SENP5: variants seen among roughly 807,000 people sequenced by gnomAD.
SENP5 encodes the protein SUMO specific peptidase 5, also known as sentrin-specific protease 5.
A neutral mutation model predicts 74.2 loss-of-function variants in SENP5; 21 were observed. The ratio of observed to expected loss-of-function variants is 0.28; its 90% CI spans 0.20 to 0.41. The LOEUF is 0.41. Ranked by LOEUF, SENP5 falls within the 10% of genes least tolerant of loss-of-function variation. SENP5 has a pLI of 1.00. For missense variants in SENP5, 717 were observed against 889.1 expected (o/e 0.81, Z 2.46); for synonymous variants, 311 against 312.7 (o/e 0.99, Z 0.06).
chr3:196,874,734 C>G (rs542849208), intron 1 of SENP5, among the ~76,000 whole-genome samples: 76 of 152,234 alleles, frequency 5.0e-4, no homozygotes, highest in Non-Finnish European at 2.9e-4. Context: ...ACAAAATTGG[C>G]TGGGCGTGGT....
chr3:196,885,104 T>C, intron 1 of SENP5, 47 bp from the exon 2 acceptor site: 4 of 1,163,256 alleles, frequency 3.4e-6, no homozygotes, highest in Non-Finnish European at 4.9e-6. Flanking sequence ...TATGTCTTCA[T>C]GACCTTATTT....
intron 4 of SENP5, 86 bp from the exon 5 acceptor site, chr3:196,900,278 AG>A: frequency 7.7e-7 from 1 of 1,291,788 alleles, no homozygotes; most frequent in Non-Finnish European, 1.1e-6. Context: ...TAGGGTTAGT[AG>A]CCTGGTTTTA....
chr3:196,879,856 C>G (rs563624756), intron 1 of SENP5, among the ~76,000 whole-genome samples: 2 of 152,122 alleles, frequency 1.3e-5, no homozygotes, highest in South Asian at 2.1e-4. Flanking sequence ...CTTTTAACTT[C>G]GAAATAACTT....
chr3:196,874,808 G>C (rs1394584779), intron 1 of SENP5, among the ~76,000 whole-genome samples: 1 of 152,144 alleles, frequency 6.6e-6, no homozygotes, highest in Non-Finnish European at 1.5e-5. Flanking sequence ...GAACCCGGGA[G>C]GCGGAGGTTG....
In SENP5 at chr3:196,931,146, G is replaced by T; in HGVS notation, c.*223G>T. On this transcript the variant is annotated 3_prime_UTR_variant, in exon 10 of 10. Transcript: ENST00000323460. ...CATTTTTAATTTTATGGTTCTGTGC[G>T]TCCCCCATATTTAATATTTATTATT... 2.0e-6 allele frequency: 1 copy of T among 495,402 alleles called. No individual in the cohort carries two copies. Among genetic ancestry groups the T allele is most frequent in the Non-Finnish European group, 3.6e-6 (1 of 276,318 alleles). The allele number at this position is 495,402 out of a possible 1,614,324, so 30.7% of individuals were successfully genotyped here. A position where few individuals can be genotyped will look rare whatever the true frequency, so the allele number is the denominator to read the frequency against.
intron 2 of SENP5, among the ~76,000 whole-genome samples, chr3:196,898,416 C>CTCTTT (rs2108833703): frequency 6.6e-6 from 1 of 151,176 alleles, no homozygotes; most frequent in East Asian, 2.0e-4. Context: ...AGCAACATAG[C>CTCTTT]AAGACCCTCA....
At chr3:196,901,441 C>G (rs1025906467) in intron 5 of SENP5, among the ~76,000 whole-genome samples, 3 of 152,116 alleles carry the variant, frequency 2.0e-5, no homozygotes, top group African/African-American at 7.2e-5. Flanking sequence ...ATACTCAGTT[C>G]AAATACAGAT....
At chr3:196,880,144 C>G (rs1461740653) in intron 1 of SENP5, among the ~76,000 whole-genome samples, 4 of 152,120 alleles carry the variant, frequency 2.6e-5, no homozygotes, top group African/African-American at 9.7e-5. Flanking sequence ...CAGGGTTTCT[C>G]TATGTTGGCC....
intron 2 of SENP5, 32 bp downstream of exon 2, chr3:196,886,726 T>G (rs1713992724): frequency 9.4e-6 from 14 of 1,482,318 alleles, no homozygotes; most frequent in Non-Finnish European, 9.0e-6. Flanking sequence ...TCCCTCAAAC[T>G]CCAAGCTCAC....
intron 6 of SENP5, among the ~76,000 whole-genome samples, chr3:196,914,870 TACACC>T (rs1715308558): frequency 6.6e-6 from 1 of 151,980 alleles, no homozygotes; most frequent in South Asian, 2.1e-4. Context: ...TTGCATTGCC[TACACC>T]ACCCCTTCCC....
At chr3:196,877,212 C>T (rs1418412356) in intron 1 of SENP5, among the ~76,000 whole-genome samples, 1 of 151,982 alleles carries the variant, frequency 6.6e-6, no homozygotes, top group African/African-American at 2.4e-5. Context: ...GAGATGGAGT[C>T]TCACTGTGTC....
chr3:196,928,052 G>A (rs1040387991), intron 8 of SENP5, among the ~76,000 whole-genome samples, 173 bp downstream of exon 8: 3 of 152,182 alleles, frequency 2.0e-5, no homozygotes, highest in Admixed American at 2.0e-4. Flanking sequence ...TCGCTGCTCA[G>A]TTGCCCAGTG....
At chr3:196,928,479 T>C (rs569482208) in intron 8 of SENP5, among the ~76,000 whole-genome samples, 7 of 152,352 alleles carry the variant, frequency 4.6e-5, no homozygotes, top group Non-Finnish European at 1.5e-5. Flanking sequence ...TTGATCCTTA[T>C]AACCTGTGAG....
At chr3:196,904,733 G>A (rs1714832617) in intron 6 of SENP5, among the ~76,000 whole-genome samples, 1 of 152,118 alleles carries the variant, frequency 6.6e-6, no homozygotes, top group Admixed American at 6.5e-5. Context: ...AGGTTGCAGT[G>A]AGCCGAGATT....
chr3:196,871,821 C>T (rs539477006), intron 1 of SENP5, among the ~76,000 whole-genome samples: 3 of 149,120 alleles, frequency 2.0e-5, no homozygotes, highest in African/African-American at 7.5e-5. Flanking sequence ...GGTCACTGCA[C>T]TCCAGCCTGG....
intron 1 of SENP5, among the ~76,000 whole-genome samples, chr3:196,872,852 T>C (rs1193974390): frequency 6.6e-6 from 1 of 152,188 alleles, no homozygotes; most frequent in East Asian, 1.9e-4. Flanking sequence ...TGGGCTGTGC[T>C]GTTCTAGTCT....
Position 196,900,068 on chromosome 3 carries a change from T to C in SENP5, c.1758+6T>C. 6.2e-7 allele frequency: 1 copy of C among 1,606,996 alleles called. No individual in the cohort carries two copies. The highest frequency in any genetic ancestry group is 8.5e-7 in the Non-Finnish European group (1 of 1,177,808). ...AGAACTGGCTGAATGACCAGGTTAG[T>C]ATATTGTAGTTTTTCAGTGTGGAGA... On this transcript the variant is annotated splice_donor_region_variant and intron_variant, in intron 4 of 9. Transcript: ENST00000323460.
intron 2 of SENP5, among the ~76,000 whole-genome samples, chr3:196,890,725 A>T (rs1037760708): frequency 2.0e-5 from 3 of 152,200 alleles, no homozygotes; most frequent in Non-Finnish European, 4.4e-5. Context: ...ATGGAAGGGA[A>T]ACTGAAGAAA....
Position 196,886,783 on chromosome 3 carries a change from C to T in SENP5, c.1513+89C>T, listed in dbSNP as rs1048768351. 93 of 1,073,600 alleles carry T rather than the reference C, an allele frequency of 8.7e-5. No individual in the cohort carries two copies. In the African/African-American group the frequency reaches 1.4e-3, roughly 16 times the overall value. The allele number at this position is 1,073,600 out of a possible 1,614,324, so 66.5% of individuals were successfully genotyped here. ...CTAATAAGAGTCCTATTTTTTTCTC[C>T]CACTCATGAATATTTCTTTAAACCA... On this transcript the variant is annotated intron_variant, in intron 2 of 9. Transcript: ENST00000323460.
Sources: allele counts gnomAD v4.1 joint callset (sites outside exome capture counted in the v4.1 genomes callset), GRCh38; gene constraint gnomAD v4.1.1; transcripts MANE v1.5; gene names NCBI Gene and HGNC (gene_info 2026-07-23, HGNC 2026-07-21).